JAKMIP3: variants seen among roughly 807,000 people sequenced by gnomAD.
JAKMIP3 encodes the protein janus kinase and microtubule-interacting protein 3.
Under a neutral mutation model 118.5 loss-of-function variants are expected in JAKMIP3, and 58 were observed. That is an observed-to-expected ratio of 0.49 (90% CI 0.40 to 0.61). The LOEUF (loss-of-function observed/expected upper bound fraction) is 0.61, where lower values mean the gene tolerates loss of function less well. Ranked by LOEUF, JAKMIP3 falls within the 20% of genes least tolerant of loss-of-function variation. JAKMIP3 has a pLI of 0.00. For synonymous variants in JAKMIP3, 486 were observed against 451.2 expected, an observed-to-expected ratio of 1.08 and a Z score of -0.98; for missense variants, 950 against 1,109.0, an observed-to-expected ratio of 0.86 and a Z score of 2.04.
chr10:132,108,375 C>A (rs1378219608), intron 2 of JAKMIP3, among the ~76,000 whole-genome samples: 2 of 152,124 alleles, frequency 1.3e-5, no homozygotes, highest in African/African-American at 4.8e-5. Context: ...TCCCGGGGGA[C>A]AGTGGATTTC....
intron 23 of JAKMIP3, among the ~76,000 whole-genome samples, chr10:132,175,069 C>T (rs1325808375): frequency 6.6e-6 from 1 of 152,064 alleles, no homozygotes; most frequent in African/African-American, 2.4e-5. Context: ...TCTTTTCATT[C>T]CCTTGAGTGT....
chr10:132,066,264 A>G (rs1260917141), intron 1 of JAKMIP3, among the ~76,000 whole-genome samples: 2 of 152,218 alleles, frequency 1.3e-5, no homozygotes, highest in East Asian at 3.8e-4. Context: ...TTTCACGTTC[A>G]TGCTCATGCA....
intron 3 of JAKMIP3, among the ~76,000 whole-genome samples, chr10:132,122,520 C>T (rs888826218): frequency 6.6e-6 from 1 of 152,336 alleles, no homozygotes; most frequent in African/African-American, 2.4e-5. Flanking sequence ...GGCAGAAGCC[C>T]AGCCGGGCAG....
At chr10:132,180,660 TGTGTGCGTGTGTGTGCGCGCGC>T (rs2060987638) in intron 23 of JAKMIP3, among the ~76,000 whole-genome samples, 2 of 33,564 alleles carry the variant, frequency 6.0e-5, no homozygotes, top group Non-Finnish European at 1.1e-4. Context: ...TGCGTGTGCG[TGTGTGCGTGTGTGTGCGCGCGC>T]GTGTGTGTGC....
intron 1 of JAKMIP3, among the ~76,000 whole-genome samples, chr10:132,071,906 C>CTTCCTTCCCTTCCT (rs138119142): frequency 1.2e-3 from 163 of 134,248 alleles, no homozygotes; most frequent in Middle Eastern, 3.6e-3. Flanking sequence ...TCTTTCTTCC[C>CTTCCTTCCCTTCCT]TTCCTTCCTT....
At chr10:132,156,774 TGAA>T (rs1239264129) in intron 19 of JAKMIP3, among the ~76,000 whole-genome samples, 14 of 152,134 alleles carry the variant, frequency 9.2e-5, no homozygotes, top group Admixed American at 9.2e-4. Context: ...GATGCATAGG[TGAA>T]GAGGAAAAGA....
intron 9 of JAKMIP3, among the ~76,000 whole-genome samples, chr10:132,139,243 T>TGTGTGA (rs1328302077): frequency 0.27 from 37,025 of 139,260 alleles, 5,808 homozygotes; most frequent in Non-Finnish European, 0.34. Context: ...TATGCATCTG[T>TGTGTGA]GTGTGTATGT....
intron 1 of JAKMIP3, among the ~76,000 whole-genome samples, chr10:132,077,364 G>C (rs1004521864): frequency 3.3e-5 from 5 of 152,134 alleles, no homozygotes; most frequent in African/African-American, 9.7e-5. Flanking sequence ...TCCTGTGAGT[G>C]CCTGGTGCCC....
At chr10:132,127,029 T>C (rs1473235618) in intron 3 of JAKMIP3, among the ~76,000 whole-genome samples, 1 of 152,190 alleles carries the variant, frequency 6.6e-6, no homozygotes, top group African/African-American at 2.4e-5. Context: ...CTTCCTTAAG[T>C]GTTTGGAAAA....
At chr10:132,110,578 C>T (rs1169833126) in intron 2 of JAKMIP3, among the ~76,000 whole-genome samples, 1 of 152,226 alleles carries the variant, frequency 6.6e-6, no homozygotes, top group Admixed American at 6.5e-5. Flanking sequence ...TGCTTCATCA[C>T]ATTTTGCAGA....
intron 23 of JAKMIP3, among the ~76,000 whole-genome samples, chr10:132,181,703 C>T (rs1160556343): frequency 6.6e-6 from 1 of 152,204 alleles, no homozygotes; most frequent in Non-Finnish European, 1.5e-5. Context: ...TATCTTCTTA[C>T]TTAGAAGTTA....
At chr10:132,039,512 A>C (rs60670822) in intron 1 of JAKMIP3, among the ~76,000 whole-genome samples, 3,421 of 152,194 alleles carry the variant, frequency 0.022, 129 homozygotes, top group African/African-American at 0.078. Flanking sequence ...GGTCCCTGCA[A>C]GGCTGAGAGG....
intron 1 of JAKMIP3, among the ~76,000 whole-genome samples, chr10:132,057,561 T>C (rs2038271137): frequency 6.6e-6 from 1 of 152,190 alleles, no homozygotes; most frequent in African/African-American, 2.4e-5. Flanking sequence ...AGAGTGCATT[T>C]AGGAGGGCCC....
intron 2 of JAKMIP3, among the ~76,000 whole-genome samples, chr10:132,110,307 C>T (rs77589457): frequency 0.014 from 2,137 of 152,348 alleles, 42 homozygotes; most frequent in Non-Finnish European, 0.016. Context: ...CAGGTGCTCC[C>T]GGGCTGCTGG....
At chr10:132,040,069 G>A (rs974626528) in intron 1 of JAKMIP3, among the ~76,000 whole-genome samples, 1 of 152,210 alleles carries the variant, frequency 6.6e-6, no homozygotes, top group Admixed American at 6.5e-5. Context: ...ACCAAATTGT[G>A]TCCCCCAAGT....
chr10:132,055,000 G>C (rs2038201089), intron 1 of JAKMIP3, among the ~76,000 whole-genome samples: 1 of 152,086 alleles, frequency 6.6e-6, no homozygotes, highest in Non-Finnish European at 1.5e-5. Context: ...GATAGTGAGA[G>C]TCCTGCCCTC....
At chr10:132,110,724 A>G (rs1171080336) in intron 2 of JAKMIP3, among the ~76,000 whole-genome samples, 1 of 152,236 alleles carries the variant, frequency 6.6e-6, no homozygotes, top group Non-Finnish European at 1.5e-5. Context: ...AATGATTTAA[A>G]TAAAAGCTGA....
rs1184902862 is a variant in JAKMIP3 at position 132,097,887 on chromosome 10, TCCCTTC to T, written c.-137-6755_-137-6750del. ...CCTTCCTTCCTTCCTTTTATTTTCTTCCCTTCCCCTTCCCCTTCCCCTTCCCCTTCC... is the reference window on the plus strand; with the variant it reads ...CCTTCCTTCCTTCCTTTTATTTTCTTCCCTTCCCCTTCCCCTTCCCCTTCC... On this transcript the variant is annotated intron_variant, in intron 1 of 23. Transcript: ENST00000684848. Among the ~76,000 whole-genome samples, 1,005 of 113,874 alleles carry T rather than the reference TCCCTTC, an allele frequency of 8.8e-3. 75 individuals are homozygous for T. The highest frequency in any genetic ancestry group is 0.022 in the African/African-American group (658 of 30,208). 74.7% of individuals were successfully genotyped at this position (113,874 alleles called of 152,430 possible).
chr10:132,089,610 T>C (rs2042862049), intron 1 of JAKMIP3, among the ~76,000 whole-genome samples: 1 of 152,222 alleles, frequency 6.6e-6, no homozygotes, highest in South Asian at 2.1e-4. Flanking sequence ...GATTTGGGGC[T>C]GAGACAGTGG....
Sources: gnomAD v4.1 joint callset for allele counts (sites outside exome capture counted in the v4.1 genomes callset) on GRCh38, gnomAD v4.1.1 for gene constraint, MANE v1.5 for transcripts, NCBI Gene and HGNC (gene_info 2026-07-23, HGNC 2026-07-21) for gene names.